ACAP3: variants seen among roughly 807,000 people sequenced by gnomAD.
ACAP3 encodes ArfGAP with coiled-coil, ankyrin repeat and PH domains 3.
In ACAP3, 56 loss-of-function variants were observed where a neutral mutation model predicts 104.1. The observed-to-expected ratio is 0.54, with a 90% CI of 0.43 to 0.67. The LOEUF is 0.67. Among genes scored for constraint, ACAP3 ranks in the 30% least tolerant of loss-of-function variants. The pLI, the probability that ACAP3 is intolerant of heterozygous loss-of-function variation, is 0.00. For synonymous variants in ACAP3, 628 were observed against 496.2 expected, an observed-to-expected ratio of 1.27 and a Z score of -3.53; for missense variants, 1,208 against 1,174.9, an observed-to-expected ratio of 1.03 and a Z score of -0.41.
Position 1,293,572 on chromosome 1 carries a change from C to G in ACAP3, c.2497G>C (p.Glu833Gln). 6.7e-7 allele frequency: 1 copy of G among 1,486,136 alleles called. No homozygotes were observed. Among genetic ancestry groups the G allele is most frequent in the East Asian group, 2.9e-5 (1 of 34,746 alleles). 92.1% of individuals were successfully genotyped at this position (1,486,136 alleles called of 1,614,324 possible). A position where few individuals can be genotyped will look rare whatever the true frequency, so the allele number is the denominator to read the frequency against. The change falls in exon 24 of 24, where the codon GAG (glutamate) becomes CAG (glutamine). Residue 833 changes from glutamate to glutamine, a missense_variant. Physicochemically the swap from Glu to Gln is conservative, Grantham distance 29 (BLOSUM62 2). Coordinates refer to ENST00000354700, the MANE Select transcript of ACAP3 (RefSeq NM_030649.3). Reference sequence around the variant, plus strand: ...GCCCGGCCTGCCCGGCCCTAGCTCTCTTCCAGGTGGAGGCTGATGAACTCC... The same window carrying G: ...GCCCGGCCTGCCCGGCCCTAGCTCTGTTCCAGGTGGAGGCTGATGAACTCC... ...IQEFISLHLE[E>Q]S is the part of the protein sequence containing the mutation.
At chr1:1,306,483 G>A (rs759478479) in intron 1 of ACAP3, among the ~76,000 whole-genome samples, 1 of 152,128 alleles carries the variant, frequency 6.6e-6, no homozygotes, top group African/African-American at 2.4e-5. Context: ...CAGAAGATGG[G>A]AGAGCAGAGG....
rs529660237 is a variant in ACAP3 at position 1,303,171 on chromosome 1, G to A, written c.216C>T (p.Thr72=). 8.1e-6 allele frequency: 13 copies of A among 1,601,858 alleles called. No individual in the cohort carries two copies. Among genetic ancestry groups the A allele is most frequent in the African/African-American group, 1.3e-5 (1 of 74,756 alleles). ...TCAGTCGGCCCCTCACCGAGATGAC[G>A]GTGTCGCCCTGGCACTGCTGGGACA... ...RDLSQQCQGD[T]VISECLQRFA... The change falls in exon 3 of 24, where the codon ACC becomes ACT. Residue 72 remains threonine, a synonymous_variant. Transcript: ENST00000354700. The surrounding 1 kb of genome is among the most constrained non-coding windows in gnomAD (Gnocchi z 4.0).
chr1:1,307,470 GA>G, intron 1 of ACAP3: 1 of 1,289,488 alleles, frequency 7.8e-7, no homozygotes, highest in South Asian at 1.2e-5. Flanking sequence ...CAGGGCCCGG[GA>G]GGGGCTCAGC....
chr1:1,293,777 C>CTGCCCTGGAGGCCCCGCCCT, intron 23 of ACAP3, 46 bp downstream of exon 23: 1 of 1,530,266 alleles, frequency 6.5e-7, no homozygotes. Context: ...GGCCCCGCCC[C>CTGCCCTGGAGGCCCCGCCCT]TGCCCTGGAG....
At chr1:1,300,736 C>T (rs1442338118) in intron 5 of ACAP3, 44 bp from the exon 6 acceptor site, 8 of 1,571,704 alleles carry the variant, frequency 5.1e-6, no homozygotes, top group Non-Finnish European at 5.2e-6. Flanking sequence ...AGGGAGGGCA[C>T]CTGCTGGATC....
intron 6 of ACAP3, 88 bp from the exon 7 acceptor site, chr1:1,300,290 G>A (rs910353036): frequency 6.8e-7 from 1 of 1,467,912 alleles, no homozygotes; most frequent in African/African-American, 1.4e-5. Context: ...TGAGCTGCTT[G>A]TGGTTCCCTG....
At chr1:1,297,700 C>G in intron 14 of ACAP3, 122 bp downstream of exon 14, 1 of 851,688 alleles carries the variant, frequency 1.2e-6, no homozygotes, top group Non-Finnish European at 1.6e-6. Context: ...CACGTGTGCA[C>G]GGGCACGGGG....
chr1:1,293,911 G>C lies in ACAP3; in HGVS notation c.2272C>G (p.Arg758Gly). ...RTGQVCLFLK[R>G]GADQHALDQE... ...TCCAGGGCGTGCTGGTCCGCGCCCC[G>C]CTTCAGGAACAGGCAAACCTGGCTG... The change falls in exon 23 of 24, where the codon CGG becomes GGG. Residue 758 changes from arginine (R) to glycine (G), a missense_variant. Arg to Gly is a moderately radical substitution (Grantham distance 125). Transcript: ENST00000354700. 2 of 1,579,602 alleles carry C rather than the reference G, an allele frequency of 1.3e-6. No homozygotes were observed. Among genetic ancestry groups the C allele is most frequent in the Non-Finnish European group, 1.7e-6 (2 of 1,165,588 alleles).
Position 1,303,307 on chromosome 1 carries a change from C to T in ACAP3, c.106-26G>A, listed in dbSNP as rs1303940688. The T allele has an allele frequency of 6.4e-7, 1 of 1,555,322 alleles. No individual in the cohort carries two copies. Among genetic ancestry groups the T allele is most frequent in the Non-Finnish European group, 8.7e-7 (1 of 1,150,636 alleles). ...CTGTGGGCCAGCGGGGCGTGGTGAG[C>T]ACAGTGGGCACTGGCGCCTGCACTC... is the stretch of plus-strand genomic sequence containing the variant. On this transcript the variant is annotated intron_variant, in intron 2 of 23. Coordinates refer to ENST00000354700, the MANE Select transcript of ACAP3 (RefSeq NM_030649.3). This position sits in a 1 kb window ranked among gnomAD's most constrained non-coding sequence, Gnocchi z 4.0.
chr1:1,306,754 T>C (rs988915068), intron 1 of ACAP3, among the ~76,000 whole-genome samples: 4 of 152,248 alleles, frequency 2.6e-5, no homozygotes, highest in African/African-American at 9.6e-5. Context: ...CACATACATG[T>C]GTGTTCAAGG....
At position 1,298,632 on chromosome 1, in the gene ACAP3, G is replaced by A. The variant is rs746185848; in HGVS notation, c.798C>T (p.Pro266=). Reference sequence around the variant, plus strand: ...GGTAGCCCTCCATCACCACCCCACTGGGCGCGTCCACGTCAAACTCCACTT... The same window carrying A: ...GGTAGCCCTCCATCACCACCCCACTAGGCGCGTCCACGTCAAACTCCACTT... ...ESKVEFDVDA[P]SGVVMEGYLF... is the part of the protein sequence containing the mutation. The change falls in exon 11 of 24, where the codon CCC becomes CCT. Residue 266 remains proline (P), a synonymous_variant. Transcript: ENST00000354700. 6.2e-7 allele frequency: 1 copy of A among 1,612,052 alleles called. No homozygotes were observed. The highest frequency in any genetic ancestry group is 8.5e-7 in the Non-Finnish European group (1 of 1,179,752).
intron 6 of ACAP3, 43 bp from the exon 7 acceptor site, chr1:1,300,245 C>T: frequency 6.4e-7 from 1 of 1,561,678 alleles, no homozygotes; most frequent in Non-Finnish European, 8.7e-7. Flanking sequence ...GAGGCTGAGG[C>T]AGCCCCAAGC....
At chr1:1,297,730 C>A (rs1416476671) in intron 14 of ACAP3, 92 bp downstream of exon 14, 12 of 1,179,358 alleles carry the variant, frequency 1.0e-5, no homozygotes, top group Non-Finnish European at 1.3e-5. Context: ...TCCCCGGTGG[C>A]ACGTGTGTGT....
In ACAP3 at chr1:1,307,909, C is replaced by G. The variant is rs1353816937; in HGVS notation, c.-94G>C. 1 of 705,244 alleles carries G rather than the reference C, an allele frequency of 1.4e-6. No homozygotes were observed. Among genetic ancestry groups the G allele is most frequent in the African/African-American group, 2.0e-5 (1 of 50,792 alleles). 43.7% of individuals were successfully genotyped at this position (705,244 alleles called of 1,614,324 possible). On this transcript the variant is annotated 5_prime_UTR_variant, in exon 1 of 24. Coordinates refer to ENST00000354700, the MANE Select transcript of ACAP3 (RefSeq NM_030649.3). ...ACCGCTCGTCCCGCCCGCGCCGCCT[C>G]GGCGCCCGCCCGCCCCGGAATGAGG...
chr1:1,300,418 T>C lies in ACAP3; in HGVS notation c.522+91A>G, dbSNP rs1641392853. ...TGGGCAAAGCAAGAATCGTCACTCC[T>C]GCTCAAAATCCCTCCAGTTCTGTAC... On this transcript the variant is annotated intron_variant, in intron 6 of 23. Transcript: ENST00000354700. 7.1e-6 allele frequency: 10 copies of C among 1,402,462 alleles called. No homozygotes were observed. In the South Asian group the frequency reaches 1.1e-4, roughly 15 times the overall value. The allele number at this position is 1,402,462 out of a possible 1,614,324, so 86.9% of individuals were successfully genotyped here.
In ACAP3 at chr1:1,302,054, C is replaced by A; in HGVS notation, c.280-8G>T. Reference sequence around the variant, plus strand: ...GGCCTGGTCAAACAGGATCTGGGGGCAGAGGCGGGCAGAGATCCTTGGGGT... The same window carrying A: ...GGCCTGGTCAAACAGGATCTGGGGGAAGAGGCGGGCAGAGATCCTTGGGGT... On this transcript the variant is annotated splice_polypyrimidine_tract_variant and splice_region_variant and intron_variant, in intron 4 of 23. Coordinates refer to ENST00000354700, the MANE Select transcript of ACAP3 (RefSeq NM_030649.3). 2 of 1,524,340 alleles carry A rather than the reference C, an allele frequency of 1.3e-6. No individual in the cohort carries two copies. The highest frequency in any genetic ancestry group is 1.8e-6 in the Non-Finnish European group (2 of 1,130,316). The allele number at this position is 1,524,340 out of a possible 1,614,324, so 94.4% of individuals were successfully genotyped here.
At chr1:1,307,686 G>A in intron 1 of ACAP3, 83 bp downstream of exon 1, 2 of 1,047,076 alleles carry the variant, frequency 1.9e-6, no homozygotes, top group Non-Finnish European at 2.3e-6. Flanking sequence ...GCCCGGCGCT[G>A]ACCTCCCCAC....
At chr1:1,300,919 G>C (rs190021596) in intron 5 of ACAP3, among the ~76,000 whole-genome samples, 2 of 152,304 alleles carry the variant, frequency 1.3e-5, no homozygotes, top group South Asian at 4.1e-4. Flanking sequence ...TTACAGGCAT[G>C]CGCCACCAGG....
intron 10 of ACAP3, 133 bp downstream of exon 10, chr1:1,299,212 C>T: frequency 3.3e-6 from 4 of 1,206,668 alleles, no homozygotes; most frequent in Non-Finnish European, 4.7e-6. Context: ...CTCACAGCCG[C>T]ATCAGCAGCA....
Sources: gnomAD v4.1 joint callset for allele counts (sites outside exome capture counted in the v4.1 genomes callset) on GRCh38, gnomAD v4.1.1 for gene constraint, Gnocchi (gnomAD v3.1) non-coding constraint, MANE v1.5 for transcripts, NCBI Gene and HGNC (gene_info 2026-07-23, HGNC 2026-07-21) for gene names.